The following CREM variants were observed in gnomAD, a reference collection of about 807,000 sequenced individuals.
The protein encoded by CREM is cAMP responsive element modulator.
Under a neutral mutation model 37.3 loss-of-function variants are expected in CREM, and 13 were observed. The ratio of observed to expected loss-of-function variants is 0.35; its 90% CI spans 0.23 to 0.55. The LOEUF (loss-of-function observed/expected upper bound fraction) is 0.55. Among genes scored for constraint, CREM ranks in the 20% least tolerant of loss-of-function variants. The probability of loss-of-function intolerance (pLI) is 0.88; values close to 1 mark genes in which losing one functional copy is unlikely to be tolerated. For missense variants in CREM, 296 were observed against 362.3 expected (o/e 0.82, Z 1.49); for synonymous variants, 124 against 120.2 (o/e 1.03, Z -0.21).
chr10:35,210,934 G>A (rs1360766151), intron 7 of CREM, among the ~76,000 whole-genome samples: 1 of 152,194 alleles, frequency 6.6e-6, no homozygotes, highest in East Asian at 1.9e-4. Flanking sequence ...CTATAAATGT[G>A]TTTGTAGAAA....
intron 3 of CREM, among the ~76,000 whole-genome samples, chr10:35,152,924 A>G (rs2092684299): frequency 6.6e-6 from 1 of 152,232 alleles, no homozygotes; most frequent in Non-Finnish European, 1.5e-5. Flanking sequence ...GATTCCACAT[A>G]TATATAAAGT....
intron 5 of CREM, among the ~76,000 whole-genome samples, chr10:35,180,479 A>C (rs774218917): frequency 6.6e-5 from 10 of 152,186 alleles, no homozygotes; most frequent in Non-Finnish European, 1.5e-4. Context: ...TTGCAGTAGT[A>C]AACTATTAAA....
rs754455183 is a variant in CREM, at chr10:35,130,196, CAAAA to C, written c.-55+3023_-55+3026del. Among the ~76,000 whole-genome samples, 27 of 67,222 alleles carry C rather than the reference CAAAA, an allele frequency of 4.0e-4. 1 individual carries two copies. The South Asian group carries it at 0.014, about 34-fold the overall frequency. 44.1% of individuals were successfully genotyped at this position (67,222 alleles called of 152,430 possible). A position where few individuals can be genotyped will look rare whatever the true frequency, so the allele number is the denominator to read the frequency against. On this transcript the variant is annotated intron_variant, in intron 1 of 7. Transcript: ENST00000685392. The stretch of plus-strand genomic sequence containing the variant: ...GGGCAACAAGAGCCAAACTCAGTCT[CAAAA>C]AAAAAAAAAAAAAAAAAAATTTTTT...
chr10:35,165,427 A>T (rs950864320), intron 3 of CREM, among the ~76,000 whole-genome samples: 6 of 152,312 alleles, frequency 3.9e-5, no homozygotes, highest in Non-Finnish European at 7.3e-5. Context: ...TTGGGAGCGG[A>T]TAAGCATCCA....
intron 3 of CREM, among the ~76,000 whole-genome samples, chr10:35,164,514 G>T (rs1457185299): frequency 6.6e-6 from 1 of 152,106 alleles, no homozygotes; most frequent in Non-Finnish European, 1.5e-5. Context: ...CTTAATTTAG[G>T]TACTTTAGAT....
At chr10:35,175,455 A>G in intron 3 of CREM, 2 of 494,594 alleles carry the variant, frequency 4.0e-6, no homozygotes, top group East Asian at 3.7e-5. Context: ...CAAAAAAAAA[A>G]GAACCATAGT....
intron 6 of CREM, chr10:35,196,192 C>T (rs2095159391): frequency 3.1e-6 from 4 of 1,281,612 alleles, no homozygotes; most frequent in Non-Finnish European, 4.5e-6. Flanking sequence ...TTTACTCTTA[C>T]TCCATCCTCT....
chr10:35,189,177 G>GT (rs201302253), intron 6 of CREM, among the ~76,000 whole-genome samples: 21,672 of 143,850 alleles, frequency 0.15, 1,723 homozygotes, highest in East Asian at 0.23. Context: ...TGGGTTTTTT[G>GT]TTTTTTTTTG....
intron 2 of CREM, among the ~76,000 whole-genome samples, chr10:35,145,902 A>G (rs1170050606): frequency 1.3e-5 from 2 of 152,230 alleles, no homozygotes; most frequent in East Asian, 1.9e-4. Context: ...AAGAAGTTAA[A>G]TTCTCAAGAA....
chr10:35,207,970 A>C (rs551225484), intron 7 of CREM, among the ~76,000 whole-genome samples: 1 of 152,220 alleles, frequency 6.6e-6, no homozygotes. Flanking sequence ...ATTTTTAAAA[A>C]TAATGATTAA....
At chr10:35,186,789 CAT>C (rs1384439476) in intron 5 of CREM, among the ~76,000 whole-genome samples, 17 of 119,628 alleles carry the variant, frequency 1.4e-4, no homozygotes, top group African/African-American at 3.9e-4. Context: ...TTATATATAA[CAT>C]AATTATGTTA....
At chr10:35,132,406 TACTG>T (rs1484809716) in intron 1 of CREM, among the ~76,000 whole-genome samples, 1 of 151,958 alleles carries the variant, frequency 6.6e-6, no homozygotes, top group Non-Finnish European at 1.5e-5. Flanking sequence ...AAGAGACACT[TACTG>T]AATAGCTAGT....
intron 5 of CREM, among the ~76,000 whole-genome samples, chr10:35,182,182 ATACT>A (rs1317113517): frequency 8.5e-5 from 13 of 152,370 alleles, no homozygotes; most frequent in East Asian, 1.9e-4. Context: ...GAGGGTAAAC[ATACT>A]TACACACACA....
rs1021812914 is a variant in CREM, at chr10:35,141,212, G to A, written c.44+3333G>A. 9.9e-5 allele frequency among the ~76,000 whole-genome samples: 15 copies of A among 152,284 alleles called. No homozygotes were observed. In the East Asian group the frequency reaches 2.7e-3, roughly 27 times the overall value. On this transcript the variant is annotated intron_variant, in intron 2 of 7. Coordinates refer to ENST00000685392, the MANE Select transcript of CREM (RefSeq NM_183011.2). ...TAGAGTTGTTAATCAAAACTACCAG[G>A]CACTTACCACATGGTAAACTCTCAA... is the stretch of plus-strand genomic sequence containing the variant.
At chr10:35,190,775 C>G (rs1400447376) in intron 6 of CREM, among the ~76,000 whole-genome samples, 1 of 152,068 alleles carries the variant, frequency 6.6e-6, no homozygotes, top group African/African-American at 2.4e-5. Context: ...CATTCTTCTG[C>G]CTCAGCCTCC....
At chr10:35,208,543 C>T (rs2095590520) in intron 7 of CREM, among the ~76,000 whole-genome samples, 1 of 152,126 alleles carries the variant, frequency 6.6e-6, no homozygotes, top group Admixed American at 6.6e-5. Flanking sequence ...AAATAATGTC[C>T]TCATTGTGTG....
intron 1 of CREM, among the ~76,000 whole-genome samples, chr10:35,133,876 C>T (rs2089923693): frequency 6.6e-6 from 1 of 152,190 alleles, no homozygotes. Context: ...TGGGCATTAG[C>T]TATACTGTAG....
intron 1 of CREM, among the ~76,000 whole-genome samples, chr10:35,133,790 AAC>A (rs2089908135): frequency 6.6e-6 from 1 of 152,242 alleles, no homozygotes; most frequent in African/African-American, 2.4e-5. Context: ...TTTGGTGACA[AAC>A]ACAACTAACT....
At position 35,211,385 on chromosome 10, in the gene CREM, A is replaced by C. The variant is rs149683849; in HGVS notation, c.887A>C (p.His296Pro). 6.2e-7 allele frequency: 1 copy of C among 1,613,752 alleles called. No individual in the cohort carries two copies. The highest frequency in any genetic ancestry group is 8.5e-7 in the Non-Finnish European group (1 of 1,179,820). The part of the protein sequence containing the change: ...ELKALKDLYC[H>P]KVE ...AAGGCCCTCAAAGATCTTTATTGCC[A>C]TAAAGTAGAGTAACTGTCTTTGACT... The change falls in exon 8 of 8, where the codon CAT (histidine) becomes CCT (proline). Residue 296 changes from histidine (H) to proline (P), a missense_variant. Around this residue, in one of 2 missense-constraint regions of CREM, gnomAD observed 39 missense variants for 82.0 expected, o/e 0.48. Transcript: ENST00000685392.
Sources: allele counts gnomAD v4.1 joint callset (sites outside exome capture counted in the v4.1 genomes callset), GRCh38; gene constraint gnomAD v4.1.1; regional missense constraint gnomAD v4.1.1; transcripts MANE v1.5; gene names NCBI Gene and HGNC (gene_info 2026-07-23, HGNC 2026-07-21).